The following BIRC3 variants were observed in gnomAD, a reference collection of about 807,000 sequenced individuals.
BIRC3 encodes the protein baculoviral IAP repeat containing 3.
In BIRC3, 26 loss-of-function variants were observed where a neutral mutation model predicts 59.0. That is an observed-to-expected ratio of 0.44 (90% CI 0.32 to 0.61). The LOEUF is 0.61. Ranked by LOEUF, BIRC3 falls within the 20% of genes least tolerant of loss-of-function variation. The pLI is 0.04. For missense variants in BIRC3, 641 were observed against 711.5 expected (o/e 0.90, Z 1.13); for synonymous variants, 243 against 249.2 (o/e 0.98, Z 0.24).
chr11:102,337,169 A>C lies in BIRC3; in HGVS notation c.*67A>C. ...TAAATGTATTATAACTTTAACTTTT[A>C]TCCTAATTTGGTTTCCTTAAAATTT... On this transcript the variant is annotated 3_prime_UTR_variant, in exon 9 of 9. Transcript: ENST00000263464. 1.6e-6 allele frequency: 2 copies of C among 1,234,482 alleles called. No individual in the cohort carries two copies. The highest frequency in any genetic ancestry group is 1.0e-6 in the Non-Finnish European group (1 of 956,194). The allele number at this position is 1,234,482 out of a possible 1,614,324, so 76.5% of individuals were successfully genotyped here.
At chr11:102,317,657 A>T (rs2135778581) in intron 1 of BIRC3, 86 bp downstream of exon 1, 1 of 152,790 alleles carries the variant, frequency 6.5e-6, no homozygotes, top group African/African-American at 2.4e-5. Flanking sequence ...CCCCTGGTGT[A>T]AGAGATGTGC....
rs754914425 is a variant in BIRC3, at chr11:102,323,655, C to T, written c.-855C>T. Reference sequence around the variant, plus strand: ...GAAACCAGGTTTTAAGATGTGTTAGCCAGTCCTGTTACTAGTAAATCTCTT... The same window carrying T: ...GAAACCAGGTTTTAAGATGTGTTAGTCAGTCCTGTTACTAGTAAATCTCTT... On this transcript the variant is annotated 5_prime_UTR_variant, in exon 2 of 9. Transcript: ENST00000263464. 2 of 195,468 alleles carry T rather than the reference C, an allele frequency of 1.0e-5. No homozygotes were observed. Among genetic ancestry groups the T allele is most frequent in the Non-Finnish European group, 2.1e-5 (2 of 94,182 alleles). 12.1% of individuals were successfully genotyped at this position (195,468 alleles called of 1,614,324 possible).
intron 1 of BIRC3, among the ~76,000 whole-genome samples, chr11:102,318,410 A>C (rs537457748): frequency 6.6e-6 from 1 of 152,300 alleles, no homozygotes; most frequent in East Asian, 1.9e-4. Flanking sequence ...TATAAAATTG[A>C]TAGAAGTACT....
chr11:102,335,839 C>T (rs1591525703), intron 6 of BIRC3, 127 bp from the exon 7 acceptor site: 3 of 921,146 alleles, frequency 3.3e-6, no homozygotes, highest in African/African-American at 3.4e-5. Flanking sequence ...CTAAACCTAG[C>T]AATCAACATC....
At chr11:102,326,336 A>G (rs575499436) in intron 3 of BIRC3, among the ~76,000 whole-genome samples, 49 of 152,358 alleles carry the variant, frequency 3.2e-4, no homozygotes, top group Middle Eastern at 6.8e-3. Flanking sequence ...GTATAGACTC[A>G]TCTCATCTGT....
At chr11:102,335,016 G>A (rs533905760) in intron 6 of BIRC3, among the ~76,000 whole-genome samples, 8 of 152,258 alleles carry the variant, frequency 5.3e-5, no homozygotes, top group Admixed American at 4.6e-4. Flanking sequence ...CGGAGTGGGC[G>A]GATCACTCGA....
Position 102,324,898 on chromosome 11 carries a change from A to C in BIRC3, c.389A>C (p.Asn130Thr), listed in dbSNP as rs147101958. The change falls in exon 2 of 9, where the codon AAC becomes ACC. Residue 130 changes from asparagine to threonine, a missense_variant. Asn to Thr is a moderately conservative substitution (Grantham distance 65). Transcript: ENST00000263464. ...CACTCATTACTTCCGGGTACAGAAAACAGTGGATATTTCCGTGGCTCTTAT... is the reference window on the plus strand; with the variant it reads ...CACTCATTACTTCCGGGTACAGAAACCAGTGGATATTTCCGTGGCTCTTAT... ...STHSLLPGTE[N>T]SGYFRGSYSN... The C allele has an allele frequency of 4.0e-5, 65 of 1,614,204 alleles. No individual in the cohort carries two copies. In the African/African-American group the frequency reaches 6.4e-4, roughly 16 times the overall value.
At position 102,324,739 on chromosome 11, in the gene BIRC3, A is replaced by G. The variant is rs1431281475; in HGVS notation, c.230A>G (p.Lys77Arg). 2.5e-6 allele frequency: 4 copies of G among 1,614,186 alleles called. No homozygotes were observed. Among genetic ancestry groups the G allele is most frequent in the Non-Finnish European group, 3.4e-6 (4 of 1,180,020 alleles). Residue 77 changes from lysine (K) to arginine (R), a missense_variant, in exon 2 of 9, where the codon AAA (lysine) becomes AGA (arginine). Transcript: ENST00000263464. ...FCCGLMLDNWKRGDSPTEKHK... is the reference protein window; with the variant it reads ...FCCGLMLDNWRRGDSPTEKHK... ...TGTGGCCTGATGCTGGATAACTGGA[A>G]AAGAGGAGACAGTCCTACTGAAAAG...
In BIRC3 at chr11:102,328,880, A is replaced by ATATT. The variant is rs1555043003; in HGVS notation, c.1033-16_1033-15insATTT. The ATATT allele has an allele frequency of 1.1e-4, 49 of 426,518 alleles. No individual in the cohort carries two copies. The highest frequency in any genetic ancestry group is 5.7e-4 in the East Asian group (5 of 8,828). The allele number at this position is 426,518 out of a possible 1,614,324, so 26.4% of individuals were successfully genotyped here. On this transcript the variant is annotated splice_polypyrimidine_tract_variant and intron_variant, in intron 4 of 8. Transcript: ENST00000263464. ...AATTTATATATATATATATATATAT[A>ATATT]TTTTTTTTTTCTGCAGCTGCTATCC...
chr11:102,321,971 T>C lies in BIRC3; in HGVS notation c.-2539T>C, dbSNP rs572461468. 37 of 191,724 alleles carry C rather than the reference T, an allele frequency of 1.9e-4. No homozygotes were observed. Among genetic ancestry groups the C allele is most frequent in the Non-Finnish European group, 3.6e-4 (33 of 91,426 alleles). 11.9% of individuals were successfully genotyped at this position (191,724 alleles called of 1,614,324 possible). ...CTCGGGAGGTAGTTTTGTGCATGGG[T>C]AAACAAATTAAGTATTAACTGGTGT... On this transcript the variant is annotated 5_prime_UTR_variant, in exon 2 of 9. Coordinates refer to ENST00000263464, the MANE Select transcript of BIRC3 (RefSeq NM_001165.5).
rs5794162 is a variant in BIRC3, at chr11:102,322,777, T to TAAAAAAAAAAAAAAAAAAAAAAAAAAAA, written c.-1707_-1706insAAAAAAAAAAAAAAAAAAAAAAAAAAAA. 3 of 66,342 alleles carry TAAAAAAAAAAAAAAAAAAAAAAAAAAAA rather than the reference T, an allele frequency of 4.5e-5. 1 individual carries two copies. The highest frequency in any genetic ancestry group is 1.3e-4 in the African/African-American group (2 of 15,850). The allele number at this position is 66,342 out of a possible 1,614,324, so 4.1% of individuals were successfully genotyped here. A position where few individuals can be genotyped will look rare whatever the true frequency, so the allele number is the denominator to read the frequency against. The stretch of plus-strand genomic sequence containing the variant: ...GGAAACCATGCTTGCAAACCACTGG[T>TAAAAAAAAAAAAAAAAAAAAAAAAAAAA]AAAAAAAAAAAAAAAAAAAAAAAAA... On this transcript the variant is annotated 5_prime_UTR_variant, in exon 2 of 9. Transcript: ENST00000263464.
At chr11:102,330,873 A>AT in intron 5 of BIRC3, 126 bp from the exon 6 acceptor site, 1 of 926,094 alleles carries the variant, frequency 1.1e-6, no homozygotes, top group Non-Finnish European at 1.6e-6. Context: ...AATAATGCCT[A>AT]TACATTTTGT....
At chr11:102,336,605 A>G in intron 7 of BIRC3, 155 bp from the exon 8 acceptor site, 1 of 747,000 alleles carries the variant, frequency 1.3e-6, no homozygotes. Context: ...AATCAATCTA[A>G]TTTATAGATA....
chr11:102,317,937 A>G (rs558092255), intron 1 of BIRC3, among the ~76,000 whole-genome samples: 1 of 152,332 alleles, frequency 6.6e-6, no homozygotes, highest in African/African-American at 2.4e-5. Context: ...TGGCACAGGA[A>G]GGAAGTAAAA....
intron 1 of BIRC3, among the ~76,000 whole-genome samples, chr11:102,319,345 C>T (rs1004162198): frequency 2.6e-5 from 4 of 152,086 alleles, no homozygotes; most frequent in East Asian, 1.9e-4. Context: ...CACACCCGGC[C>T]GAAAGAGAAT....
intron 4 of BIRC3, among the ~76,000 whole-genome samples, chr11:102,328,576 G>T (rs1236119192): frequency 2.0e-5 from 3 of 152,060 alleles, no homozygotes; most frequent in African/African-American, 7.3e-5. Context: ...ATGACCCAGG[G>T]TAGGTAAGAC....
intron 1 of BIRC3, among the ~76,000 whole-genome samples, chr11:102,318,502 A>G (rs1320570345): frequency 1.3e-5 from 2 of 152,234 alleles, no homozygotes; most frequent in Admixed American, 6.5e-5. Context: ...TGCAGATGCT[A>G]TGAGTGGGAG....
chr11:102,325,068 A>G lies in BIRC3; in HGVS notation c.559A>G (p.Thr187Ala), dbSNP rs2135784650. ...QTWPLTFLSP[T>A]DLAKAGFYYI... ...ATGGCCATTGACTTTTCTGTCGCCA[A>G]CAGATCTGGCAAAAGCAGGCTTTTA... Residue 187 changes from threonine to alanine, a missense_variant, in exon 2 of 9, where the codon ACA becomes GCA. By Grantham distance (58) the Thr-to-Ala change is moderately conservative (BLOSUM62 0). Transcript: ENST00000263464. The G allele has an allele frequency of 1.9e-6, 3 of 1,614,220 alleles. No individual in the cohort carries two copies. Among genetic ancestry groups the G allele is most frequent in the Non-Finnish European group, 2.5e-6 (3 of 1,180,026 alleles).
At chr11:102,329,254 G>A (rs1376180250) in intron 5 of BIRC3, among the ~76,000 whole-genome samples, 1 of 152,070 alleles carries the variant, frequency 6.6e-6, no homozygotes, top group African/African-American at 2.4e-5. Context: ...CTTGTTCTTG[G>A]GCCAGTGTGG....
Sources: gnomAD v4.1 joint callset for allele counts (sites outside exome capture counted in the v4.1 genomes callset) on GRCh38, gnomAD v4.1.1 for gene constraint, MANE v1.5 for transcripts, NCBI Gene and HGNC (gene_info 2026-07-23, HGNC 2026-07-21) for gene names.